The following MEGF11 variants were observed in gnomAD, a reference collection of about 807,000 sequenced individuals.
MEGF11 encodes multiple EGF like domains 11, also known as multiple epidermal growth factor-like domains protein 11.
MEGF11 carries 126 observed loss-of-function variants against 146.6 expected under a neutral mutation model. The ratio of observed to expected loss-of-function variants is 0.86; its 90% CI spans 0.74 to 1.00. The LOEUF (loss-of-function observed/expected upper bound fraction) is 1.00, where lower values mean the gene tolerates loss of function less well. Ranked by LOEUF, MEGF11 falls within the 50% of genes least tolerant of loss-of-function variation. The probability of loss-of-function intolerance (pLI) is 0.00; values close to 1 mark genes in which losing one functional copy is unlikely to be tolerated. For missense variants in MEGF11, 1,509 were observed against 1,521.2 expected (o/e 0.99, Z 0.13); for synonymous variants, 532 against 583.4 (o/e 0.91, Z 1.27).
Position 65,953,648 on chromosome 15 carries a change from C to T in MEGF11, c.1287+3899G>A, listed in dbSNP as rs902364622. 2.0e-5 allele frequency among the ~76,000 whole-genome samples: 3 copies of T among 152,186 alleles called. No individual in the cohort carries two copies. In the East Asian group the frequency reaches 5.8e-4, roughly 29 times the overall value. ...GGTCTGATTAGTCTTTCCACATCCC[C>T]ACCTGCCCCCTAAGTCCTAGCAGAG... On this transcript the variant is annotated intron_variant, in intron 10 of 25. Coordinates refer to ENST00000395614, the MANE Select transcript of MEGF11 (RefSeq NM_001385028.1).
chr15:65,903,094 T>TAGG (rs772614230), intron 24 of MEGF11, among the ~76,000 whole-genome samples: 6 of 152,208 alleles, frequency 3.9e-5, no homozygotes, highest in Non-Finnish European at 7.4e-5. Context: ...GATTGAGAGA[T>TAGG]AGGAGGAGGA....
At chr15:66,128,108 G>C (rs2088462074) in intron 2 of MEGF11, among the ~76,000 whole-genome samples, 198 bp downstream of exon 2, 2 of 152,202 alleles carry the variant, frequency 1.3e-5, no homozygotes, top group Admixed American at 1.3e-4. Flanking sequence ...TGAAGTTAAT[G>C]TGAGTTGCCT....
At chr15:66,021,227 A>G (rs1192455419) in intron 5 of MEGF11, among the ~76,000 whole-genome samples, 1 of 152,046 alleles carries the variant, frequency 6.6e-6, no homozygotes, top group Non-Finnish European at 1.5e-5. Flanking sequence ...AAGTCAGTCA[A>G]TCAATCAACA....
intron 1 of MEGF11, among the ~76,000 whole-genome samples, chr15:66,242,607 C>T (rs1251130641): frequency 6.6e-6 from 1 of 151,946 alleles, no homozygotes. Flanking sequence ...TATGCTCATG[C>T]CTATCCAATA....
intron 1 of MEGF11, among the ~76,000 whole-genome samples, chr15:66,153,871 C>T (rs191970337): frequency 5.9e-5 from 9 of 152,278 alleles, no homozygotes; most frequent in East Asian, 1.9e-4. Context: ...CAGGGTCACA[C>T]GGGCTCGTGC....
rs181194709 is a variant in MEGF11 at position 66,165,017 on chromosome 15, A to G, written c.-8-36606T>C. On this transcript the variant is annotated intron_variant, in intron 1 of 25. Transcript: ENST00000395614. ...TGGCTGGGAGACTCCCGGACAGCAGATTTCCCTGTCTGAGCACAGCCGGGC... is the reference window on the plus strand; with the variant it reads ...TGGCTGGGAGACTCCCGGACAGCAGGTTTCCCTGTCTGAGCACAGCCGGGC... Among the ~76,000 whole-genome samples the G allele has an allele frequency of 1.9e-3, 284 of 152,292 alleles. 3 individuals carry two copies. Among genetic ancestry groups the G allele is most frequent in the African/African-American group, 6.6e-3 (276 of 41,566 alleles).
chr15:66,143,041 T>TCTG (rs2089229002), intron 1 of MEGF11, among the ~76,000 whole-genome samples: 1 of 152,196 alleles, frequency 6.6e-6, no homozygotes, highest in South Asian at 2.1e-4. Flanking sequence ...AGTTCTACAG[T>TCTG]GATTCCAAGC....
At chr15:66,069,393 C>G (rs1384461691) in intron 5 of MEGF11, among the ~76,000 whole-genome samples, 1 of 152,218 alleles carries the variant, frequency 6.6e-6, no homozygotes, top group African/African-American at 2.4e-5. Flanking sequence ...AATGAGTAAA[C>G]CAGCATGGAC....
rs376622119 is a variant in MEGF11, at chr15:66,152,210, T to C, written c.-8-23799A>G. Among the ~76,000 whole-genome samples, 100 of 152,158 alleles carry C rather than the reference T, an allele frequency of 6.6e-4. 1 individual carries two copies. The South Asian group carries it at 0.019, about 29-fold the overall frequency. On this transcript the variant is annotated intron_variant, in intron 1 of 25. Transcript: ENST00000395614. ...AGAGGTAGTGTCTCGGTGTCCCCAC[T>C]TATGAATATGAACCCACCTTGGTCT...
intron 24 of MEGF11, among the ~76,000 whole-genome samples, chr15:65,901,401 G>A (rs1445598502): frequency 1.3e-5 from 2 of 152,030 alleles, no homozygotes; most frequent in Non-Finnish European, 2.9e-5. Context: ...TTTGAAACTT[G>A]TTACATAATG....
At position 65,970,560 on chromosome 15, in the gene MEGF11, C is replaced by G; in HGVS notation, c.892G>C (p.Gly298Arg). The G allele has an allele frequency of 1.2e-6, 2 of 1,613,980 alleles. No individual in the cohort carries two copies. The highest frequency in any genetic ancestry group is 1.7e-6 in the Non-Finnish European group (2 of 1,179,854). The change falls in exon 8 of 26, where the codon GGG (glycine) becomes CGG (arginine). Residue 298 changes from glycine to arginine, a missense_variant. By Grantham distance (125) the Gly-to-Arg change is moderately radical. Coordinates refer to ENST00000395614, the MANE Select transcript of MEGF11 (RefSeq NM_001385028.1). ...GQCHCTAGYM[G>R]DRCQEECPFG... ...AGTTAACACTATCCTTACCTGTCCC[C>G]CATGTATCCAGCTGTACAGTGGCAC...
intron 15 of MEGF11, among the ~76,000 whole-genome samples, chr15:65,920,379 CT>C (rs1358261436): frequency 6.6e-6 from 1 of 152,248 alleles, no homozygotes; most frequent in Admixed American, 6.5e-5. Flanking sequence ...CCAGCCTCTT[CT>C]TTCCTACCTC....
At chr15:66,009,693 C>T (rs968861866) in intron 5 of MEGF11, among the ~76,000 whole-genome samples, 19 of 151,698 alleles carry the variant, frequency 1.3e-4, no homozygotes, top group Admixed American at 9.2e-4. Context: ...CCCGGGTTCA[C>T]GCCATTCTCC....
chr15:65,975,976 A>T (rs1241818413), intron 7 of MEGF11, among the ~76,000 whole-genome samples: 4 of 150,662 alleles, frequency 2.7e-5, no homozygotes, highest in Non-Finnish European at 5.9e-5. Flanking sequence ...TCAGCTTAGG[A>T]GAGGGCTATG....
intron 4 of MEGF11, among the ~76,000 whole-genome samples, chr15:66,099,874 T>A (rs2086715040): frequency 6.6e-6 from 1 of 152,028 alleles, no homozygotes; most frequent in South Asian, 2.1e-4. Context: ...GAAGGAGCCC[T>A]GGTAAAACTA....
chr15:66,009,184 C>T (rs1043069278), intron 5 of MEGF11, among the ~76,000 whole-genome samples: 6 of 150,770 alleles, frequency 4.0e-5, no homozygotes, highest in Non-Finnish European at 7.4e-5. Flanking sequence ...CTAGCTGGAA[C>T]GATCTTCAGA....
chr15:65,944,931 C>T (rs1474645107), intron 10 of MEGF11, among the ~76,000 whole-genome samples: 1 of 147,588 alleles, frequency 6.8e-6, no homozygotes, highest in African/African-American at 2.5e-5. Flanking sequence ...TGGAGTCTCA[C>T]TCTGTCACCC....
chr15:66,066,440 A>G lies in MEGF11; in HGVS notation c.394+27962T>C, dbSNP rs188767051. On this transcript the variant is annotated intron_variant, in intron 5 of 25. Transcript: ENST00000395614. ...GAATCTATAGGAATTTAAAATTTTTATGTGGCTATTTCAATGATAATTTTA... is the reference window on the plus strand; with the variant it reads ...GAATCTATAGGAATTTAAAATTTTTGTGTGGCTATTTCAATGATAATTTTA... 1.5e-3 allele frequency among the ~76,000 whole-genome samples: 222 copies of G among 152,322 alleles called. 1 individual carries two copies. The highest frequency in any genetic ancestry group is 4.7e-3 in the African/African-American group (196 of 41,570).
At chr15:66,045,814 G>A (rs1279344050) in intron 5 of MEGF11, among the ~76,000 whole-genome samples, 2 of 152,030 alleles carry the variant, frequency 1.3e-5, no homozygotes, top group African/African-American at 2.4e-5. Flanking sequence ...AAAGATGACT[G>A]TATCCTGGCT....
Sources: gnomAD v4.1 joint callset for allele counts (sites outside exome capture counted in the v4.1 genomes callset) on GRCh38, gnomAD v4.1.1 for gene constraint, MANE v1.5 for transcripts, NCBI Gene and HGNC (gene_info 2026-07-23, HGNC 2026-07-21) for gene names.